PRR5L: variants seen among roughly 807,000 people sequenced by gnomAD.
The protein encoded by PRR5L is proline-rich protein 5-like.
Under a neutral mutation model 36.4 loss-of-function variants are expected in PRR5L, and 21 were observed. That is an observed-to-expected ratio of 0.58 (90% CI 0.41 to 0.83). PRR5L has a LOEUF of 0.83. PRR5L is among the 40% of genes least tolerant of loss of function. The probability of loss-of-function intolerance (pLI) is 0.00; values close to 1 mark genes in which losing one functional copy is unlikely to be tolerated. For missense variants in PRR5L, 381 were observed against 473.3 expected (o/e 0.80, Z 1.81); for synonymous variants, 188 against 197.0 (o/e 0.95, Z 0.38).
chr11:36,298,806 C>T lies in PRR5L; in HGVS notation c.-126+2368C>T, dbSNP rs575249522. Among the ~76,000 whole-genome samples the T allele has an allele frequency of 2.6e-5, 4 of 152,292 alleles. No individual in the cohort carries two copies. In the South Asian group the frequency reaches 8.3e-4, roughly 32 times the overall value. ...TGGAAGGTTTGTTTTCTCCTGAGGT[C>T]TCTGTCCTTGGCTTGTGGATGGCCA... On this transcript the variant is annotated intron_variant, in intron 1 of 8. Transcript: ENST00000530639.
At chr11:36,419,394 C>A in intron 4 of PRR5L, 91 bp downstream of exon 4, 1 of 1,127,430 alleles carries the variant, frequency 8.9e-7, no homozygotes, top group South Asian at 1.2e-5. Context: ...GTTGGACATT[C>A]CTTCAACAGA....
chr11:36,353,030 C>T (rs1856991702), intron 1 of PRR5L, among the ~76,000 whole-genome samples: 1 of 152,168 alleles, frequency 6.6e-6, no homozygotes, highest in South Asian at 2.1e-4. Context: ...TGCTCTGTCT[C>T]CCAGACTGGA....
intron 1 of PRR5L, among the ~76,000 whole-genome samples, chr11:36,314,034 T>A (rs1436434801): frequency 6.6e-6 from 1 of 152,232 alleles, no homozygotes; most frequent in Admixed American, 6.5e-5. Flanking sequence ...AAAATGGTGG[T>A]TACAATATCT....
chr11:36,383,338 G>A (rs996054857), intron 1 of PRR5L, among the ~76,000 whole-genome samples: 1 of 151,778 alleles, frequency 6.6e-6, no homozygotes, highest in Non-Finnish European at 1.5e-5. Flanking sequence ...TCTTTTCTTT[G>A]GCCCTCACAG....
At position 36,396,569 on chromosome 11, in the gene PRR5L, C is replaced by G. The variant is rs145202636; in HGVS notation, c.-125-4428C>G. Among the ~76,000 whole-genome samples, 30 of 152,286 alleles carry G rather than the reference C, an allele frequency of 2.0e-4. 1 individual carries two copies. Among genetic ancestry groups the G allele is most frequent in the African/African-American group, 7.2e-4 (30 of 41,564 alleles). On this transcript the variant is annotated intron_variant, in intron 1 of 8. Transcript: ENST00000530639. ...CTTGGCAATTTAGAAATAACTACGA[C>G]AACATGATTTTATTTATTGAACGAG... is the stretch of plus-strand genomic sequence containing the variant.
At chr11:36,407,101 A>G (rs1857927254) in intron 3 of PRR5L, among the ~76,000 whole-genome samples, 1 of 152,208 alleles carries the variant, frequency 6.6e-6, no homozygotes, top group Non-Finnish European at 1.5e-5. Flanking sequence ...ATTACTGTGA[A>G]CAGTTAAGAA....
intron 1 of PRR5L, chr11:36,381,655 C>T (rs1410786893): frequency 6.6e-6 from 1 of 152,138 alleles, no homozygotes. Flanking sequence ...TTTGAGGAGA[C>T]CACATCGACT....
intron 1 of PRR5L, among the ~76,000 whole-genome samples, chr11:36,358,258 G>C (rs539439081): frequency 6.6e-6 from 1 of 152,234 alleles, no homozygotes; most frequent in African/African-American, 2.4e-5. Context: ...GCTATCTCTT[G>C]TGAAAGGAAG....
chr11:36,419,302 A>G lies in PRR5L; in HGVS notation c.293A>G (p.Gln98Arg). Reference protein sequence around the residue: ...ELGSFITDYFQNQLLAKGLFF... With the variant: ...ELGSFITDYFRNQLLAKGLFF... ...GGATCATTCATTACAGACTATTTTC[A>G]GGTAAGCTGTGTGGATCTGAGCATC... The change falls in exon 4 of 9, where the codon CAG (glutamine) becomes CGG (arginine). Residue 98 changes from glutamine to arginine, a missense_variant and splice_region_variant. Gln to Arg is a conservative substitution (Grantham distance 43). Transcript: ENST00000530639. 1.9e-6 allele frequency: 3 copies of G among 1,613,596 alleles called. No homozygotes were observed. The highest frequency in any genetic ancestry group is 1.7e-5 in the Admixed American group (1 of 60,024).
chr11:36,379,104 G>T (rs1444442903), intron 1 of PRR5L, among the ~76,000 whole-genome samples: 1 of 152,102 alleles, frequency 6.6e-6, no homozygotes, highest in East Asian at 1.9e-4. Flanking sequence ...CTGTTATATT[G>T]GTTATCTGAA....
At chr11:36,421,048 C>T (rs1349036705) in intron 4 of PRR5L, among the ~76,000 whole-genome samples, 1 of 152,212 alleles carries the variant, frequency 6.6e-6, no homozygotes, top group Non-Finnish European at 1.5e-5. Flanking sequence ...TCACCCTTGA[C>T]TCAAAGGTCA....
intron 1 of PRR5L, among the ~76,000 whole-genome samples, chr11:36,302,267 T>A (rs560347208): frequency 6.6e-6 from 1 of 152,050 alleles, no homozygotes; most frequent in African/African-American, 2.4e-5. Context: ...GAAGCGGGGA[T>A]GGGGAAGAAT....
chr11:36,321,875 G>A (rs1856616678), intron 1 of PRR5L, among the ~76,000 whole-genome samples: 1 of 152,164 alleles, frequency 6.6e-6, no homozygotes, highest in African/African-American at 2.4e-5. Flanking sequence ...TCTTCACGGG[G>A]CCTTCCCTCT....
intron 1 of PRR5L, among the ~76,000 whole-genome samples, chr11:36,383,666 T>C (rs1010632017): frequency 1.3e-5 from 2 of 151,688 alleles, no homozygotes; most frequent in Non-Finnish European, 2.9e-5. Flanking sequence ...ATCCCAGCAT[T>C]AGGCTTTCCT....
Position 36,410,135 on chromosome 11 carries a change from C to A in PRR5L, c.245+6757C>A, listed in dbSNP as rs115463674. Among the ~76,000 whole-genome samples, 461 of 152,316 alleles carry A rather than the reference C, an allele frequency of 3.0e-3. 1 individual carries two copies. Among genetic ancestry groups the A allele is most frequent in the African/African-American group, 8.6e-3 (358 of 41,562 alleles). On this transcript the variant is annotated intron_variant, in intron 3 of 8. Coordinates refer to ENST00000530639, the MANE Select transcript of PRR5L (RefSeq NM_001160167.2). ...CCTTGTACCTGCTGTGGCTGAGAAACAGACTTGGCTTTCAGGTTAAGAAGG... is the reference window on the plus strand; with the variant it reads ...CCTTGTACCTGCTGTGGCTGAGAAAAAGACTTGGCTTTCAGGTTAAGAAGG...
intron 1 of PRR5L, among the ~76,000 whole-genome samples, chr11:36,370,880 C>CAAAAAAAAAA (rs566607958): frequency 1.7e-5 from 2 of 118,048 alleles, no homozygotes; most frequent in Non-Finnish European, 1.7e-5. Context: ...GACTCCATCT[C>CAAAAAAAAAA]AAAAAAAAAA....
At chr11:36,437,023 A>G (rs1382152052) in intron 5 of PRR5L, among the ~76,000 whole-genome samples, 1 of 152,156 alleles carries the variant, frequency 6.6e-6, no homozygotes, top group Non-Finnish European at 1.5e-5. Flanking sequence ...TTGTAGATCA[A>G]ATGTAAGTAA....
intron 1 of PRR5L, among the ~76,000 whole-genome samples, chr11:36,314,566 C>T (rs1856536439): frequency 2.0e-5 from 3 of 152,224 alleles, no homozygotes; most frequent in Non-Finnish European, 4.4e-5. Context: ...CCCCTTGATG[C>T]CCTTTGCTCC....
intron 1 of PRR5L, among the ~76,000 whole-genome samples, chr11:36,369,042 TATGGGTTTCAGGGTGCACAA>T (rs1857172550): frequency 6.6e-6 from 1 of 152,052 alleles, no homozygotes; most frequent in African/African-American, 2.4e-5. Flanking sequence ...GGTGATGGAC[TATGGGTTTCAGGGTGCACAA>T]AAGGAGGTTT....
Sources: allele counts gnomAD v4.1 joint callset (sites outside exome capture counted in the v4.1 genomes callset), GRCh38; gene constraint gnomAD v4.1.1; transcripts MANE v1.5; gene names NCBI Gene and HGNC (gene_info 2026-07-23, HGNC 2026-07-21).